The following RBBP4 variants were observed in gnomAD, a reference collection of about 807,000 sequenced individuals.
The protein encoded by RBBP4 is RB binding protein 4, chromatin remodeling factor, also known as histone-binding protein RBBP4.
A neutral mutation model predicts 57.2 loss-of-function variants in RBBP4; 3 were observed. The observed-to-expected ratio is 0.05, with a 90% confidence interval of 0.02 to 0.14. The LOEUF is 0.14. RBBP4 is among the 10% of genes least tolerant of loss of function. RBBP4 has a pLI of 1.00. For synonymous variants in RBBP4, 151 were observed against 171.5 expected (o/e 0.88, Z 0.93); for missense variants, 107 against 520.6 (o/e 0.21, Z 7.73).
At chr1:32,664,484 A>G (rs1196079691) in intron 3 of RBBP4, among the ~76,000 whole-genome samples, 1 of 150,830 alleles carries the variant, frequency 6.6e-6, no homozygotes, top group Non-Finnish European at 1.5e-5. Context: ...ACAGAGTCTC[A>G]CTCTGTCGCC....
intron 3 of RBBP4, among the ~76,000 whole-genome samples, chr1:32,665,887 G>A (rs1324568757): frequency 2.0e-5 from 3 of 152,096 alleles, no homozygotes; most frequent in African/African-American, 4.8e-5. Flanking sequence ...TTTTGCAACC[G>A]TACCATGCTG....
intron 11 of RBBP4, among the ~76,000 whole-genome samples, chr1:32,673,782 T>A (rs1648976424): frequency 6.6e-6 from 1 of 152,070 alleles, no homozygotes; most frequent in African/African-American, 2.4e-5. Context: ...AACTGTGGTG[T>A]CTCATACATT....
In RBBP4 at chr1:32,682,464, T is replaced by C. The variant is rs907460143; in HGVS notation, c.*2759T>C. 6.7e-6 allele frequency: 1 copy of C among 150,084 alleles called. No individual in the cohort carries two copies. Among genetic ancestry groups the C allele is most frequent in the African/African-American group, 2.5e-5 (1 of 40,540 alleles). 9.3% of individuals were successfully genotyped at this position (150,084 alleles called of 1,614,324 possible). A position where few individuals can be genotyped will look rare whatever the true frequency, so the allele number is the denominator to read the frequency against. ...TTAAAAAAATAAAATCCTAGAAAAT[T>C]AGAAAAAGCAACAATAGTTACTTGT... On this transcript the variant is annotated 3_prime_UTR_variant, in exon 12 of 12. Transcript: ENST00000373493.
In RBBP4 at chr1:32,669,672, C is replaced by T; in HGVS notation, c.966+109C>T. On this transcript the variant is annotated intron_variant, in intron 8 of 11. Transcript: ENST00000373493. This position sits in a 1 kb window ranked among gnomAD's most constrained non-coding sequence, Gnocchi z 4.9. Reference sequence around the variant, plus strand: ...TTGGGAGGCTGAAGCGGGCGGATCACAAGGTCAGGAGATCGAGACCATCCT... The same window carrying T: ...TTGGGAGGCTGAAGCGGGCGGATCATAAGGTCAGGAGATCGAGACCATCCT... The T allele has an allele frequency of 7.0e-7, 1 of 1,436,404 alleles. No homozygotes were observed. Among genetic ancestry groups the T allele is most frequent in the Non-Finnish European group, 9.2e-7 (1 of 1,091,396 alleles). The allele number at this position is 1,436,404 out of a possible 1,614,324, so 89.0% of individuals were successfully genotyped here.
chr1:32,655,177 A>G (rs536554252), intron 2 of RBBP4, among the ~76,000 whole-genome samples: 6 of 151,954 alleles, frequency 3.9e-5, no homozygotes, highest in Non-Finnish European at 7.4e-5. Flanking sequence ...TTTTTTTGCT[A>G]TGTTGTCCAG....
intron 2 of RBBP4, among the ~76,000 whole-genome samples, chr1:32,653,046 C>T (rs1434704609): frequency 6.6e-6 from 1 of 152,178 alleles, no homozygotes; most frequent in Non-Finnish European, 1.5e-5. Flanking sequence ...ATAGTGAGGG[C>T]TAAAAGATTA....
intron 9 of RBBP4, 36 bp downstream of exon 9, chr1:32,672,562 A>G: frequency 6.3e-7 from 1 of 1,593,492 alleles, no homozygotes; most frequent in Non-Finnish European, 8.6e-7. Flanking sequence ...CTACATAATT[A>G]TTTCCTTTAT....
chr1:32,659,835 C>CTATTCCTAACTAAA (rs1648322112), intron 3 of RBBP4, among the ~76,000 whole-genome samples: 1 of 152,176 alleles, frequency 6.6e-6, no homozygotes, highest in South Asian at 2.1e-4. Context: ...CTATTCCTTA[C>CTATTCCTAACTAAA]TGATAGACAT....
At position 32,669,438 on chromosome 1, in the gene RBBP4, T is replaced by C; in HGVS notation, c.889-48T>C. The C allele has an allele frequency of 6.4e-7, 1 of 1,567,006 alleles. No homozygotes were observed. Among genetic ancestry groups the C allele is most frequent in the Non-Finnish European group, 8.6e-7 (1 of 1,164,374 alleles). ...CAGAGATATTTTACTTACAGTATTT[T>C]TTTTTTCTTAAAAAATTGATTACTC... On this transcript the variant is annotated intron_variant, in intron 7 of 11. Transcript: ENST00000373493. This position sits in a 1 kb window ranked among gnomAD's most constrained non-coding sequence, Gnocchi z 4.9.
At chr1:32,657,294 A>T (rs1307068601) in intron 2 of RBBP4, 133 bp from the exon 3 acceptor site, 1 of 838,008 alleles carries the variant, frequency 1.2e-6, no homozygotes, top group East Asian at 2.7e-5. Flanking sequence ...GAAAGAAAGA[A>T]AAGACCCTTA....
rs1318253603 is a variant in RBBP4 at position 32,683,622 on chromosome 1, TGTTTTTGTTTTTTGG to T, written c.*3929_*3943del. 1.9e-5 allele frequency: 3 copies of T among 158,558 alleles called. No homozygotes were observed. The highest frequency in any genetic ancestry group is 1.9e-4 in the South Asian group (1 of 5,314). 9.8% of individuals were successfully genotyped at this position (158,558 alleles called of 1,614,324 possible). ...CATTAGGCACACAAGGGTTTTTTGTTGTTTTTGTTTTTTGGGTTTTTGTTTTGTTTTGAGGCAGTC... is the reference window on the plus strand; with the variant it reads ...CATTAGGCACACAAGGGTTTTTTGTTGTTTTTGTTTTGTTTTGAGGCAGTC... On this transcript the variant is annotated 3_prime_UTR_variant, in exon 12 of 12. Coordinates refer to ENST00000373493, the MANE Select transcript of RBBP4 (RefSeq NM_005610.3).
chr1:32,664,639 G>T (rs934425556), intron 3 of RBBP4, among the ~76,000 whole-genome samples: 6 of 152,050 alleles, frequency 3.9e-5, no homozygotes, highest in African/African-American at 1.2e-4. Context: ...TTTTAGTAGA[G>T]ATGAGGTTTC....
In RBBP4 at chr1:32,680,546, GT is replaced by G. The variant is rs1185002364; in HGVS notation, c.*844del. The G allele has an allele frequency of 6.5e-7, 1 of 1,533,124 alleles. No individual in the cohort carries two copies. Among genetic ancestry groups the G allele is most frequent in the Non-Finnish European group, 8.8e-7 (1 of 1,135,120 alleles). 95.0% of individuals were successfully genotyped at this position (1,533,124 alleles called of 1,614,324 possible). A position where few individuals can be genotyped will look rare whatever the true frequency, so the allele number is the denominator to read the frequency against. On this transcript the variant is annotated 3_prime_UTR_variant, in exon 12 of 12. Transcript: ENST00000373493. ...TTTAGGAGTTAGTCCTTGACCACTA[GT>G]TTGATGCCATCTCCATTTTGGGTGA...
intron 3 of RBBP4, 90 bp from the exon 4 acceptor site, chr1:32,668,135 G>A: frequency 7.9e-7 from 1 of 1,261,176 alleles, no homozygotes; most frequent in Non-Finnish European, 1.1e-6. Flanking sequence ...TGTTGCTAAG[G>A]AAAAAAAATC....
chr1:32,681,148 T>G lies in RBBP4; in HGVS notation c.*1443T>G, dbSNP rs1319837613. On this transcript the variant is annotated 3_prime_UTR_variant, in exon 12 of 12. Transcript: ENST00000373493. ...TCGCTTAGTTTTTTGTTGTTGTTGT[T>G]TTTTAACTGAGTAGATCATTCTGAC... 1 of 152,614 alleles carries G rather than the reference T, an allele frequency of 6.6e-6. No homozygotes were observed. The highest frequency in any genetic ancestry group is 1.5e-5 in the Non-Finnish European group (1 of 68,120). 9.5% of individuals were successfully genotyped at this position (152,614 alleles called of 1,614,324 possible). A position where few individuals can be genotyped will look rare whatever the true frequency, so the allele number is the denominator to read the frequency against.
chr1:32,670,768 T>C (rs1441756422), intron 8 of RBBP4, among the ~76,000 whole-genome samples: 1 of 152,156 alleles, frequency 6.6e-6, no homozygotes, highest in Non-Finnish European at 1.5e-5. Flanking sequence ...AGGGAGGGCT[T>C]GTTTAGAAAT....
At chr1:32,663,051 A>G (rs1438616574) in intron 3 of RBBP4, among the ~76,000 whole-genome samples, 1 of 152,140 alleles carries the variant, frequency 6.6e-6, no homozygotes, top group Non-Finnish European at 1.5e-5. Context: ...AATTTATAAT[A>G]AATTATTATA....
At chr1:32,656,258 G>T (rs1049757926) in intron 2 of RBBP4, among the ~76,000 whole-genome samples, 1 of 151,884 alleles carries the variant, frequency 6.6e-6, no homozygotes, top group African/African-American at 2.4e-5. Flanking sequence ...GCAGTAACAC[G>T]ATCTCTGCTC....
chr1:32,664,517 A>G (rs1441307117), intron 3 of RBBP4, among the ~76,000 whole-genome samples: 2 of 151,814 alleles, frequency 1.3e-5, no homozygotes, highest in Non-Finnish European at 2.9e-5. Context: ...TAGTCGTGCA[A>G]TCTTGGTTCA....
Sources: allele counts gnomAD v4.1 joint callset (sites outside exome capture counted in the v4.1 genomes callset), GRCh38; gene constraint gnomAD v4.1.1; non-coding constraint Gnocchi (gnomAD v3.1); transcripts MANE v1.5; gene names NCBI Gene and HGNC (gene_info 2026-07-23, HGNC 2026-07-21).